CTBP2: variants seen among roughly 807,000 people sequenced by gnomAD.
CTBP2 encodes the protein C-terminal-binding protein 2.
Under a neutral mutation model 80.3 loss-of-function variants are expected in CTBP2, and 30 were observed. The observed-to-expected ratio is 0.37, with a 90% CI of 0.28 to 0.51. The LOEUF (loss-of-function observed/expected upper bound fraction) is 0.51. Among genes scored for constraint, CTBP2 ranks in the 20% least tolerant of loss-of-function variants. The probability of loss-of-function intolerance (pLI) is 0.93; values close to 1 mark genes in which losing one functional copy is unlikely to be tolerated. For synonymous variants in CTBP2, 594 were observed against 587.4 expected, an observed-to-expected ratio of 1.01 and a Z score of -0.16; for missense variants, 1,212 against 1,375.3, an observed-to-expected ratio of 0.88 and a Z score of 1.88.
intron 1 of CTBP2, among the ~76,000 whole-genome samples, chr10:125,021,641 G>C (rs1957048196): frequency 6.6e-6 from 1 of 152,166 alleles, no homozygotes; most frequent in Non-Finnish European, 1.5e-5. Context: ...GGGTGATCTG[G>C]CGAGGTCACA....
At chr10:125,111,565 T>C (rs186546923) in intron 1 of CTBP2, among the ~76,000 whole-genome samples, 9 of 152,360 alleles carry the variant, frequency 5.9e-5, no homozygotes, top group African/African-American at 2.2e-4. Context: ...TGATTAACGG[T>C]TGCAGTTGTC....
At chr10:125,145,151 T>C (rs1471332135) in intron 1 of CTBP2, among the ~76,000 whole-genome samples, 1 of 152,258 alleles carries the variant, frequency 6.6e-6, no homozygotes, top group Admixed American at 6.5e-5. Flanking sequence ...GTTCAATAAC[T>C]AGACTCGAGT....
Position 124,992,122 on chromosome 10 carries a change from C to T in CTBP2, c.2777+573G>A, listed in dbSNP as rs926338203. Among the ~76,000 whole-genome samples the T allele has an allele frequency of 2.0e-5, 3 of 149,500 alleles. No homozygotes were observed. In the East Asian group the frequency reaches 6.1e-4, roughly 30 times the overall value. On this transcript the variant is annotated intron_variant, in intron 8 of 8. Transcript: ENST00000309035. ...ACTGTACCAGAATGCCTTCTGTGGA[C>T]ATAAGATTCAAATTGGAAAATGAAC...
In CTBP2 at chr10:124,984,971, T is replaced by G; in HGVS notation, c.*4547A>C. 6.2e-7 allele frequency: 1 copy of G among 1,611,444 alleles called. No individual in the cohort carries two copies. The highest frequency in any genetic ancestry group is 8.5e-7 in the Non-Finnish European group (1 of 1,179,028). ...CATCCCTGTCTGATGGAGAGGAAGA[T>G]GAGGATGATGAAGATGAATGAAAAA... On this transcript the variant is annotated 3_prime_UTR_variant, in exon 9 of 9. Coordinates refer to ENST00000309035, the MANE Select transcript of CTBP2 (RefSeq NM_022802.3).
chr10:124,988,117 T>C lies in CTBP2; in HGVS notation c.*1401A>G, dbSNP rs3740535. On this transcript the variant is annotated 3_prime_UTR_variant, in exon 9 of 9. Coordinates refer to ENST00000309035, the MANE Select transcript of CTBP2 (RefSeq NM_022802.3). ...CTAACCCACCATTGCATCTTAAGGA[T>C]GGCATGACGTGATAATGATGGACTT... 0.6 allele frequency: 91,572 copies of C among 152,422 alleles called. 30,817 individuals carry two copies. Among genetic ancestry groups the C allele is most frequent in the Non-Finnish European group, 0.75 (51,094 of 67,972 alleles). The allele number at this position is 152,422 out of a possible 1,614,324, so 9.4% of individuals were successfully genotyped here.
At chr10:125,135,426 C>T (rs1338995795) in intron 1 of CTBP2, among the ~76,000 whole-genome samples, 1 of 152,188 alleles carries the variant, frequency 6.6e-6, no homozygotes, top group African/African-American at 2.4e-5. Flanking sequence ...TGACCGTCCC[C>T]ATCCCATCCC....
Position 125,098,734 on chromosome 10 carries a change from G to GAC in CTBP2, c.-102+12255_-102+12256insGT, listed in dbSNP as rs1850081680. The stretch of plus-strand genomic sequence containing the variant: ...AGAGAGAGAGAGAGACAGAGAGAGA[G>GAC]AGAGAGAGAGAGAGACAGAGAGAGA... On this transcript the variant is annotated intron_variant, in intron 2 of 10. Coordinates refer to the CTBP2 transcript ENST00000337195. Among the ~76,000 whole-genome samples the GAC allele has an allele frequency of 4.5e-5, 6 of 132,200 alleles. 1 individual carries two copies. The highest frequency in any genetic ancestry group is 2.2e-4 in the East Asian group (1 of 4,476). The allele number at this position is 132,200 out of a possible 152,430, so 86.7% of individuals were successfully genotyped here.
chr10:125,008,601 G>A lies in CTBP2; in HGVS notation c.1679-5109C>T, dbSNP rs555005910. Among the ~76,000 whole-genome samples, 4 of 152,342 alleles carry A rather than the reference G, an allele frequency of 2.6e-5. No homozygotes were observed. In the East Asian group the frequency reaches 5.8e-4, roughly 22 times the overall value. ...GAAGTACCTGGATCCTTCCACAGAC[G>A]GGAGATCCAGGCAGGTCTTCCAAAG... On this transcript the variant is annotated intron_variant, in intron 1 of 8. Coordinates refer to ENST00000309035, the MANE Select transcript of CTBP2 (RefSeq NM_022802.3).
In CTBP2 at chr10:124,985,295, G is replaced by GT; in HGVS notation, c.*4222dup. The GT allele has an allele frequency of 4.1e-6, 1 of 241,980 alleles. No homozygotes were observed. Among genetic ancestry groups the GT allele is most frequent in the Non-Finnish European group, 7.9e-6 (1 of 126,428 alleles). 15.0% of individuals were successfully genotyped at this position (241,980 alleles called of 1,614,324 possible). ...AACGCATGTGGTTGTGTAAGACATT[G>GT]TTTAATAGGAAAAGTTGTACCAGCA... is the stretch of plus-strand genomic sequence containing the variant. On this transcript the variant is annotated 3_prime_UTR_variant, in exon 9 of 9. Coordinates refer to ENST00000309035, the MANE Select transcript of CTBP2 (RefSeq NM_022802.3).
At chr10:124,995,913 CCT>C (rs570417366) in intron 4 of CTBP2, among the ~76,000 whole-genome samples, 149 of 152,286 alleles carry the variant, frequency 9.8e-4, no homozygotes, top group African/African-American at 3.4e-3. Flanking sequence ...CCTCCATCCC[CCT>C]CATGGCGTCT....
intron 2 of CTBP2, among the ~76,000 whole-genome samples, chr10:125,098,076 G>A (rs918359238): frequency 2.6e-5 from 4 of 152,144 alleles, no homozygotes; most frequent in Admixed American, 1.3e-4. Flanking sequence ...AACCGAGATC[G>A]CACCACTGCA....
At position 125,114,138 on chromosome 10, in the gene CTBP2, G is replaced by A. The variant is rs141715457; in HGVS notation, c.-205-3045C>T. On this transcript the variant is annotated intron_variant, in intron 1 of 10. Transcript: ENST00000337195. Reference sequence around the variant, plus strand: ...AACTTCCAGGAGTATACAACGAGACGCAGAAATGACTTAGCTGATTAAAAT... The same window carrying A: ...AACTTCCAGGAGTATACAACGAGACACAGAAATGACTTAGCTGATTAAAAT... Among the ~76,000 whole-genome samples, 732 of 152,254 alleles carry A rather than the reference G, an allele frequency of 4.8e-3. 8 individuals are homozygous for A. Among genetic ancestry groups the A allele is most frequent in the African/African-American group, 0.017 (697 of 41,530 alleles).
At chr10:125,159,143 G>C (rs1271983146) in intron 1 of CTBP2, among the ~76,000 whole-genome samples, 2 of 151,004 alleles carry the variant, frequency 1.3e-5, no homozygotes, top group East Asian at 4.0e-4. Context: ...TCGGCCGCGC[G>C]GGGCCGTCCG....
chr10:125,147,439 TA>T (rs1282048214), intron 1 of CTBP2, among the ~76,000 whole-genome samples: 2 of 152,140 alleles, frequency 1.3e-5, no homozygotes, highest in Non-Finnish European at 2.9e-5. Context: ...ACCTAATACG[TA>T]GTAACATCCC....
chr10:125,084,944 T>C (rs1020079588), intron 2 of CTBP2, among the ~76,000 whole-genome samples: 1 of 152,234 alleles, frequency 6.6e-6, no homozygotes, highest in Admixed American at 6.5e-5. Context: ...TCTGCCAATG[T>C]GTGCCTGCCC....
Position 125,043,860 on chromosome 10 carries a change from A to C in CTBP2, c.-101-4705T>G, listed in dbSNP as rs180792903. On this transcript the variant is annotated intron_variant, in intron 2 of 10. Coordinates refer to the CTBP2 transcript ENST00000337195. ...TCAAAATGAAATTTCTCTCAAATCC[A>C]GTTAAACATGATGATGGCTTTCAAT... 3.3e-5 allele frequency among the ~76,000 whole-genome samples: 5 copies of C among 152,360 alleles called. No individual in the cohort carries two copies. The East Asian group carries it at 9.6e-4, about 29-fold the overall frequency.
chr10:125,081,293 G>A (rs151300064), intron 2 of CTBP2, among the ~76,000 whole-genome samples: 2 of 152,346 alleles, frequency 1.3e-5, no homozygotes, highest in Admixed American at 6.5e-5. Context: ...CAGAGGCAAC[G>A]CAGAATCCGA....
At chr10:125,046,647 C>T (rs1961332581) in intron 2 of CTBP2, among the ~76,000 whole-genome samples, 1 of 151,614 alleles carries the variant, frequency 6.6e-6, no homozygotes, top group Non-Finnish European at 1.5e-5. Flanking sequence ...TTTGAAATGA[C>T]CAAAAAATTA....
chr10:125,141,174 A>T (rs1306474217), intron 1 of CTBP2, among the ~76,000 whole-genome samples: 3 of 152,050 alleles, frequency 2.0e-5, no homozygotes, highest in Non-Finnish European at 4.4e-5. Flanking sequence ...AAATAAAAAC[A>T]AAAACCATGA....
Sources: allele counts gnomAD v4.1 joint callset (sites outside exome capture counted in the v4.1 genomes callset), GRCh38; gene constraint gnomAD v4.1.1; transcripts MANE v1.5; gene names NCBI Gene and HGNC (gene_info 2026-07-23, HGNC 2026-07-21).